The following KCNH7 variants were observed in gnomAD, a reference collection of about 807,000 sequenced individuals.
KCNH7 encodes potassium voltage-gated channel subfamily H member 7.
Under a neutral mutation model 120.8 loss-of-function variants are expected in KCNH7, and 49 were observed. The ratio of observed to expected loss-of-function variants is 0.41; its 90% CI spans 0.32 to 0.51. KCNH7 has a LOEUF of 0.51. Ranked by LOEUF, KCNH7 falls within the 20% of genes least tolerant of loss-of-function variation. The pLI, the probability that KCNH7 is intolerant of heterozygous loss-of-function variation, is 0.38. For synonymous variants in KCNH7, 547 were observed against 516.1 expected, an observed-to-expected ratio of 1.06 and a Z score of -0.81; for missense variants, 1,097 against 1,446.6, an observed-to-expected ratio of 0.76 and a Z score of 3.92.
chr2:162,490,810 G>A (rs1690275917), intron 6 of KCNH7, among the ~76,000 whole-genome samples: 1 of 152,176 alleles, frequency 6.6e-6, no homozygotes. Flanking sequence ...TTTAAATGAT[G>A]TTAAGGGTGC....
chr2:162,605,669 C>T (rs1211241678), intron 2 of KCNH7, among the ~76,000 whole-genome samples: 1 of 152,122 alleles, frequency 6.6e-6, no homozygotes, highest in Non-Finnish European at 1.5e-5. Flanking sequence ...GATGTGAGTA[C>T]TAAAATTCTG....
At chr2:162,600,032 C>T (rs1694499412) in intron 2 of KCNH7, among the ~76,000 whole-genome samples, 1 of 152,062 alleles carries the variant, frequency 6.6e-6, no homozygotes, top group Non-Finnish European at 1.5e-5. Flanking sequence ...CAGTTAAGGT[C>T]ATTTTTAATT....
chr2:162,763,697 T>C (rs1291518645), intron 2 of KCNH7, among the ~76,000 whole-genome samples: 1 of 149,906 alleles, frequency 6.7e-6, no homozygotes, highest in Non-Finnish European at 1.5e-5. Context: ...GAATACCTAG[T>C]AGAAAATTAA....
intron 7 of KCNH7, among the ~76,000 whole-genome samples, chr2:162,440,414 T>C (rs568847523): frequency 6.6e-6 from 1 of 152,108 alleles, no homozygotes; most frequent in South Asian, 2.1e-4. Flanking sequence ...TACTCCACAC[T>C]CATATTTTGC....
chr2:162,737,134 C>A (rs2105402273), intron 2 of KCNH7, among the ~76,000 whole-genome samples: 1 of 152,194 alleles, frequency 6.6e-6, no homozygotes, highest in East Asian at 1.9e-4. Context: ...GCATGAAGCC[C>A]ATTTCCACCT....
At chr2:162,803,273 A>T (rs532623168) in intron 2 of KCNH7, among the ~76,000 whole-genome samples, 2 of 151,926 alleles carry the variant, frequency 1.3e-5, no homozygotes, top group South Asian at 4.1e-4. Flanking sequence ...CTTTGATTAA[A>T]CTAGCAATAG....
At chr2:162,785,592 A>C (rs1683670714) in intron 2 of KCNH7, among the ~76,000 whole-genome samples, 1 of 152,142 alleles carries the variant, frequency 6.6e-6, no homozygotes, top group South Asian at 2.1e-4. Context: ...CTTGCTTTAA[A>C]TATTCAAATG....
intron 2 of KCNH7, among the ~76,000 whole-genome samples, chr2:162,774,736 C>T (rs1367503761): frequency 6.6e-6 from 1 of 152,060 alleles, no homozygotes; most frequent in Non-Finnish European, 1.5e-5. Context: ...AAAAAGAAAA[C>T]TAGTGTATAA....
chr2:162,701,949 G>A (rs1686518766), intron 2 of KCNH7, among the ~76,000 whole-genome samples: 1 of 151,776 alleles, frequency 6.6e-6, no homozygotes, highest in Non-Finnish European at 1.5e-5. Flanking sequence ...GGAGGTTGCA[G>A]TGAGCCAAGA....
At chr2:162,752,271 A>T (rs1321494733) in intron 2 of KCNH7, among the ~76,000 whole-genome samples, 1 of 152,156 alleles carries the variant, frequency 6.6e-6, no homozygotes, top group East Asian at 1.9e-4. Context: ...TAGCTCAAGG[A>T]CATTAAAAAT....
intron 2 of KCNH7, among the ~76,000 whole-genome samples, chr2:162,698,316 G>T (rs1269013808): frequency 6.6e-6 from 1 of 152,036 alleles, no homozygotes; most frequent in Non-Finnish European, 1.5e-5. Context: ...TGAAATCCAT[G>T]ACAACTTATA....
At chr2:162,612,316 T>A (rs1682995981) in intron 2 of KCNH7, among the ~76,000 whole-genome samples, 1 of 152,066 alleles carries the variant, frequency 6.6e-6, no homozygotes, top group Admixed American at 6.5e-5. Context: ...AAAGTCAGAA[T>A]CCCTAAAGGA....
At chr2:162,786,846 C>T (rs1683725780) in intron 2 of KCNH7, among the ~76,000 whole-genome samples, 2 of 152,204 alleles carry the variant, frequency 1.3e-5, no homozygotes, top group African/African-American at 4.8e-5. Flanking sequence ...GAACAACCAT[C>T]CGCACCAGAA....
intron 9 of KCNH7, among the ~76,000 whole-genome samples, chr2:162,418,310 A>G (rs1404645025): frequency 6.6e-6 from 1 of 152,160 alleles, no homozygotes; most frequent in Non-Finnish European, 1.5e-5. Context: ...ATATGAGGGC[A>G]TCATATTTCT....
intron 9 of KCNH7, among the ~76,000 whole-genome samples, chr2:162,406,011 T>C (rs1343625476): frequency 6.6e-6 from 1 of 152,012 alleles, no homozygotes; most frequent in Non-Finnish European, 1.5e-5. Flanking sequence ...AAATTTTACC[T>C]GGCTGCTGAT....
At chr2:162,580,534 A>G (rs1693832885) in intron 2 of KCNH7, among the ~76,000 whole-genome samples, 1 of 152,080 alleles carries the variant, frequency 6.6e-6, no homozygotes, top group Non-Finnish European at 1.5e-5. Flanking sequence ...TGTGGCATTC[A>G]AGTCAATTTA....
At chr2:162,619,665 G>GA (rs1320371449) in intron 2 of KCNH7, among the ~76,000 whole-genome samples, 2 of 151,834 alleles carry the variant, frequency 1.3e-5, no homozygotes, top group African/African-American at 2.4e-5. Flanking sequence ...TATCAATGGT[G>GA]AAAAAAATTA....
intron 2 of KCNH7, among the ~76,000 whole-genome samples, chr2:162,804,451 A>C (rs1684460069): frequency 6.6e-6 from 1 of 151,970 alleles, no homozygotes; most frequent in Admixed American, 6.6e-5. Context: ...GCTGAGAATC[A>C]AATGAAGAAC....
At chr2:162,421,184 A>T (rs1002042123) in intron 9 of KCNH7, among the ~76,000 whole-genome samples, 1 of 152,138 alleles carries the variant, frequency 6.6e-6, no homozygotes, top group Non-Finnish European at 1.5e-5. Flanking sequence ...CACATGGTTT[A>T]GAGCTCACAC....
Sources: gnomAD v4.1 joint callset for allele counts (sites outside exome capture counted in the v4.1 genomes callset) on GRCh38, gnomAD v4.1.1 for gene constraint, MANE v1.5 for transcripts, NCBI Gene and HGNC (gene_info 2026-07-23, HGNC 2026-07-21) for gene names.